MTUS2: variants seen among roughly 807,000 people sequenced by gnomAD.
MTUS2 encodes microtubule associated scaffold protein 2.
Under a neutral mutation model 114.1 loss-of-function variants are expected in MTUS2, and 40 were observed. That is an observed-to-expected ratio of 0.35 (90% CI 0.27 to 0.46). MTUS2 has a LOEUF of 0.46. Ranked by LOEUF, MTUS2 falls within the 20% of genes least tolerant of loss-of-function variation. MTUS2 has a pLI of 1.00. For missense variants in MTUS2, 1,679 were observed against 1,705.4 expected, an observed-to-expected ratio of 0.98 and a Z score of 0.27; for synonymous variants, 688 against 672.0, an observed-to-expected ratio of 1.02 and a Z score of -0.37.
intron 5 of MTUS2, among the ~76,000 whole-genome samples, chr13:29,138,693 G>GT (rs1234255342): frequency 6.6e-6 from 1 of 150,660 alleles, no homozygotes; most frequent in African/African-American, 2.4e-5. Flanking sequence ...ATTGAATTGT[G>GT]TTTTTTATAT....
intron 7 of MTUS2, among the ~76,000 whole-genome samples, chr13:29,344,723 T>G (rs769851742): frequency 1.3e-5 from 2 of 152,268 alleles, no homozygotes; most frequent in African/African-American, 4.8e-5. Flanking sequence ...CTTGTTGTTG[T>G]TTTTTTGTCA....
At chr13:29,443,146 G>A (rs1878017462) in intron 9 of MTUS2, among the ~76,000 whole-genome samples, 1 of 152,186 alleles carries the variant, frequency 6.6e-6, no homozygotes, top group African/African-American at 2.4e-5. Context: ...TCATAAAATG[G>A]AAAGTCAATT....
At chr13:29,043,697 T>C (rs1887479642) in intron 4 of MTUS2, among the ~76,000 whole-genome samples, 1 of 73,098 alleles carries the variant, frequency 1.4e-5, no homozygotes, top group South Asian at 6.5e-4. Flanking sequence ...CATTATATAA[T>C]CTTCCTGTTT....
intron 8 of MTUS2, among the ~76,000 whole-genome samples, chr13:29,364,271 G>T (rs1405369175): frequency 6.6e-6 from 1 of 152,196 alleles, no homozygotes; most frequent in African/African-American, 2.4e-5. Flanking sequence ...GGAAGAGCAG[G>T]ATGGAGAGAG....
At chr13:29,203,124 C>T (rs920391101) in intron 5 of MTUS2, among the ~76,000 whole-genome samples, 8 of 152,346 alleles carry the variant, frequency 5.3e-5, no homozygotes, top group Non-Finnish European at 8.8e-5. Context: ...TGCCCCTTTC[C>T]GCAGATGCTC....
intron 8 of MTUS2, among the ~76,000 whole-genome samples, chr13:29,432,362 C>T (rs1224271630): frequency 6.6e-6 from 1 of 152,150 alleles, no homozygotes; most frequent in Non-Finnish European, 1.5e-5. Context: ...ACTCCTTATC[C>T]ATAACCTTCC....
At chr13:29,395,745 A>T (rs764338782) in intron 8 of MTUS2, among the ~76,000 whole-genome samples, 8 of 152,224 alleles carry the variant, frequency 5.3e-5, no homozygotes, top group African/African-American at 1.9e-4. Context: ...AATAGCTGTT[A>T]TGAGAAGACA....
chr13:29,442,494 T>G (rs1447414217), intron 9 of MTUS2, among the ~76,000 whole-genome samples: 1 of 152,234 alleles, frequency 6.6e-6, no homozygotes, highest in Non-Finnish European at 1.5e-5. Flanking sequence ...TGCATCTTGT[T>G]TCACACTGAT....
At chr13:29,259,417 C>A (rs1897389854) in intron 5 of MTUS2, among the ~76,000 whole-genome samples, 1 of 152,180 alleles carries the variant, frequency 6.6e-6, no homozygotes. Flanking sequence ...AATTCAGAGG[C>A]AAAGAGACCC....
chr13:29,365,510 T>TTGTGTGTGTGTGTGTATG (rs1870634968), intron 8 of MTUS2, among the ~76,000 whole-genome samples: 1 of 146,822 alleles, frequency 6.8e-6, no homozygotes, highest in Admixed American at 6.8e-5. Flanking sequence ...TTGTTTGGGT[T>TTGTGTGTGTGTGTGTATG]TGTGTGTGTG....
chr13:29,280,947 C>T (rs984346421), intron 5 of MTUS2, among the ~76,000 whole-genome samples: 3 of 152,204 alleles, frequency 2.0e-5, no homozygotes, highest in Admixed American at 1.3e-4. Flanking sequence ...TTAAATTTGA[C>T]ACAAACACAA....
chr13:29,322,987 G>T (rs143378177), intron 6 of MTUS2, among the ~76,000 whole-genome samples: 2 of 152,336 alleles, frequency 1.3e-5, no homozygotes, highest in Non-Finnish European at 2.9e-5. Context: ...CATGTTGGAA[G>T]AGCTGTTCTC....
intron 6 of MTUS2, among the ~76,000 whole-genome samples, chr13:29,293,013 AT>A (rs1246173453): frequency 6.6e-6 from 1 of 152,164 alleles, no homozygotes; most frequent in Non-Finnish European, 1.5e-5. Context: ...ATGTGTCTTA[AT>A]TTTTTTCTGA....
At chr13:29,502,698 C>T (rs1453211884) in intron 15 of MTUS2, among the ~76,000 whole-genome samples, 1 of 152,266 alleles carries the variant, frequency 6.6e-6, no homozygotes, top group Non-Finnish European at 1.5e-5. Context: ...CTCTCCGCTT[C>T]CCTCCTTTCA....
intron 4 of MTUS2, among the ~76,000 whole-genome samples, chr13:29,045,132 C>G (rs1887555758): frequency 6.6e-6 from 1 of 152,202 alleles, no homozygotes; most frequent in East Asian, 1.9e-4. Flanking sequence ...TAATCTTCCT[C>G]TTAATACGTA....
intron 8 of MTUS2, among the ~76,000 whole-genome samples, chr13:29,433,729 T>C (rs1486707771): frequency 6.6e-6 from 1 of 152,120 alleles, no homozygotes; most frequent in Non-Finnish European, 1.5e-5. Context: ...CAAAAGAGAG[T>C]GTTTTCCTAT....
rs1029260893 is a variant in MTUS2, at chr13:29,503,787, C to G, written c.*581C>G. On this transcript the variant is annotated 3_prime_UTR_variant, in exon 16 of 16. Coordinates refer to ENST00000612955, the MANE Select transcript of MTUS2 (RefSeq NM_001033602.4). Reference sequence around the variant, plus strand: ...GAAGAAGCGCCTTTCAACTCACCACCAAGTGGTACTCTCTTTAACACGAAC... The same window carrying G: ...GAAGAAGCGCCTTTCAACTCACCACGAAGTGGTACTCTCTTTAACACGAAC... 2 of 236,962 alleles carry G rather than the reference C, an allele frequency of 8.4e-6. No homozygotes were observed. The highest frequency in any genetic ancestry group is 1.7e-5 in the Non-Finnish European group (2 of 119,832). The allele number at this position is 236,962 out of a possible 1,614,324, so 14.7% of individuals were successfully genotyped here.
At chr13:28,999,834 A>G (rs910774532) in intron 2 of MTUS2, among the ~76,000 whole-genome samples, 7 of 152,064 alleles carry the variant, frequency 4.6e-5, no homozygotes, top group African/African-American at 1.7e-4. Context: ...TATGAGACCA[A>G]CTTTTTTAGA....
chr13:28,861,194 T>C (rs1876957230), intron 2 of MTUS2, among the ~76,000 whole-genome samples: 2 of 152,320 alleles, frequency 1.3e-5, no homozygotes, highest in African/African-American at 4.8e-5. Flanking sequence ...GGAAGTCCTA[T>C]GTGATAGAAT....
Sources: allele counts gnomAD v4.1 joint callset (sites outside exome capture counted in the v4.1 genomes callset), GRCh38; gene constraint gnomAD v4.1.1; transcripts MANE v1.5; gene names NCBI Gene and HGNC (gene_info 2026-07-23, HGNC 2026-07-21).